Variants in NRXN1 observed in about 807,000 individuals in gnomAD.
The protein encoded by NRXN1 is neurexin-1.
In NRXN1, 39 loss-of-function variants were observed where a neutral mutation model predicts 150.9. The observed-to-expected ratio is 0.26, with a 90% CI of 0.20 to 0.34. NRXN1 has a LOEUF of 0.34. NRXN1 is among the 10% of genes least tolerant of loss of function. The pLI is 1.00. For missense variants in NRXN1, 1,815 were observed against 1,949.9 expected (o/e 0.93, Z 1.30); for synonymous variants, 924 against 757.0 (o/e 1.22, Z -3.62).
intron 6 of NRXN1, among the ~76,000 whole-genome samples, 197 bp downstream of exon 6, chr2:50,623,117 T>C (rs78030824): frequency 2.6e-5 from 4 of 152,102 alleles, no homozygotes; most frequent in East Asian, 3.9e-4. Context: ...TGTATCAAAA[T>C]AGCCTTTGGG....
intron 5 of NRXN1, among the ~76,000 whole-genome samples, chr2:50,679,662 A>G (rs1690076857): frequency 6.6e-6 from 1 of 152,198 alleles, no homozygotes; most frequent in South Asian, 2.1e-4. Flanking sequence ...AAAATATAAA[A>G]GTAAATAAAA....
intron 17 of NRXN1, among the ~76,000 whole-genome samples, chr2:50,289,227 A>C (rs145217770): frequency 2.3e-3 from 354 of 152,294 alleles, no homozygotes; most frequent in African/African-American, 8.1e-3. Context: ...TTAATATTAA[A>C]AAGACAAGAA....
intron 18 of NRXN1, among the ~76,000 whole-genome samples, chr2:50,097,917 G>C (rs529194419): frequency 6.6e-6 from 1 of 152,094 alleles, no homozygotes; most frequent in East Asian, 1.9e-4. Flanking sequence ...GGGATTACAC[G>C]TGTGAGCCAC....
At chr2:51,008,569 C>G (rs1326533571) in intron 2 of NRXN1, among the ~76,000 whole-genome samples, 1 of 151,784 alleles carries the variant, frequency 6.6e-6, no homozygotes, top group Non-Finnish European at 1.5e-5. Context: ...AATTCCTTTC[C>G]TCTCTTGCCC....
At chr2:50,093,898 G>A (rs1187755908) in intron 18 of NRXN1, among the ~76,000 whole-genome samples, 1 of 152,106 alleles carries the variant, frequency 6.6e-6, no homozygotes, top group Non-Finnish European at 1.5e-5. Context: ...TCCAGAGTCT[G>A]GTCCTTAATC....
chr2:50,420,115 A>ACTC (rs2083860870), intron 17 of NRXN1, among the ~76,000 whole-genome samples: 1 of 152,074 alleles, frequency 6.6e-6, no homozygotes, highest in Non-Finnish European at 1.5e-5. Flanking sequence ...GACTTAAGAG[A>ACTC]GGGCATGGAA....
intron 8 of NRXN1, among the ~76,000 whole-genome samples, chr2:50,594,549 TAAGA>T (rs1674835862): frequency 6.6e-6 from 1 of 152,134 alleles, no homozygotes; most frequent in Admixed American, 6.6e-5. Context: ...TGTGCTAGGC[TAAGA>T]GAGAGTCATT....
chr2:49,996,930 C>A (rs1329600774), intron 21 of NRXN1, among the ~76,000 whole-genome samples: 1 of 152,156 alleles, frequency 6.6e-6, no homozygotes, highest in Non-Finnish European at 1.5e-5. Flanking sequence ...TTTATCCATT[C>A]TCTCTTGGTG....
At chr2:50,557,016 G>C (rs1668355220) in intron 8 of NRXN1, among the ~76,000 whole-genome samples, 1 of 152,098 alleles carries the variant, frequency 6.6e-6, no homozygotes, top group Non-Finnish European at 1.5e-5. Context: ...TTTGATGCCA[G>C]GATATTGTTC....
intron 5 of NRXN1, among the ~76,000 whole-genome samples, chr2:50,642,876 C>G (rs1454216467): frequency 6.6e-6 from 1 of 151,872 alleles, no homozygotes; most frequent in Non-Finnish European, 1.5e-5. Context: ...GAAAAGCCTT[C>G]TTCTAAAAAG....
At chr2:50,897,326 T>C (rs1004401139) in intron 5 of NRXN1, among the ~76,000 whole-genome samples, 2 of 152,182 alleles carry the variant, frequency 1.3e-5, no homozygotes, top group African/African-American at 2.4e-5. Context: ...CTGAACTTGC[T>C]ACTTTCAACA....
chr2:50,291,119 T>A (rs2072869852), intron 17 of NRXN1, among the ~76,000 whole-genome samples: 1 of 142,030 alleles, frequency 7.0e-6, no homozygotes, highest in Non-Finnish European at 1.5e-5. Context: ...GCTCCTGGAG[T>A]TGAACCACAG....
intron 18 of NRXN1, among the ~76,000 whole-genome samples, chr2:50,188,121 A>G (rs957523869): frequency 2.0e-5 from 3 of 151,868 alleles, no homozygotes; most frequent in Non-Finnish European, 4.4e-5. Flanking sequence ...TATATTGAAT[A>G]AGAGTACAAG....
chr2:50,331,966 G>C (rs1350650411), intron 17 of NRXN1, among the ~76,000 whole-genome samples: 1 of 152,112 alleles, frequency 6.6e-6, no homozygotes, highest in Non-Finnish European at 1.5e-5. Flanking sequence ...AATCTTTAAA[G>C]GTACAACCTA....
chr2:50,594,318 G>C (rs1235265169), intron 8 of NRXN1, among the ~76,000 whole-genome samples: 1 of 152,138 alleles, frequency 6.6e-6, no homozygotes, highest in Non-Finnish European at 1.5e-5. Context: ...ATTTGGTAGT[G>C]AGGTATATCA....
intron 17 of NRXN1, among the ~76,000 whole-genome samples, chr2:50,405,063 G>A (rs963594963): frequency 2.6e-5 from 4 of 152,050 alleles, no homozygotes; most frequent in African/African-American, 9.7e-5. Flanking sequence ...TGCCAAAGAG[G>A]GGAGCTTAAA....
chr2:50,290,819 G>C (rs549639713), intron 17 of NRXN1, among the ~76,000 whole-genome samples: 1 of 152,302 alleles, frequency 6.6e-6, no homozygotes, highest in Non-Finnish European at 1.5e-5. Context: ...ATGGGGCCAA[G>C]AAAGGAATGT....
intron 22 of NRXN1, among the ~76,000 whole-genome samples, chr2:49,934,769 C>G (rs1041121416): frequency 1.3e-5 from 2 of 152,084 alleles, no homozygotes; most frequent in African/African-American, 4.8e-5. Flanking sequence ...TTTCTTCTCT[C>G]GAAAGCACTC....
chr2:50,672,492 T>A (rs920533485), intron 5 of NRXN1, among the ~76,000 whole-genome samples: 4 of 152,024 alleles, frequency 2.6e-5, no homozygotes, highest in African/African-American at 9.7e-5. Flanking sequence ...AAGTTGTGGT[T>A]AAATCCCTAG....
Sources: allele counts gnomAD v4.1 joint callset (sites outside exome capture counted in the v4.1 genomes callset), GRCh38; gene constraint gnomAD v4.1.1; transcripts MANE v1.5; gene names NCBI Gene and HGNC (gene_info 2026-07-23, HGNC 2026-07-21).